Variants in AK5 observed in about 807,000 individuals in gnomAD.
The protein encoded by AK5 is adenylate kinase isoenzyme 5.
AK5 carries 27 observed loss-of-function variants against 69.5 expected under a neutral mutation model. That is an observed-to-expected ratio of 0.39 (90% CI 0.29 to 0.54). The LOEUF (loss-of-function observed/expected upper bound fraction) is 0.54. AK5 is among the 20% of genes least tolerant of loss of function. The probability of loss-of-function intolerance (pLI) is 0.71; values close to 1 mark genes in which losing one functional copy is unlikely to be tolerated. For missense variants in AK5, 531 were observed against 700.4 expected (o/e 0.76, Z 2.73); for synonymous variants, 260 against 244.4 (o/e 1.06, Z -0.60).
At chr1:77,552,635 T>C (rs1412059823) in intron 13 of AK5, among the ~76,000 whole-genome samples, 2 of 152,222 alleles carry the variant, frequency 1.3e-5, no homozygotes, top group Non-Finnish European at 2.9e-5. Flanking sequence ...TATCAGAGTC[T>C]AAAAGAAATC....
chr1:77,438,163 T>C (rs932415575), intron 8 of AK5, among the ~76,000 whole-genome samples: 7 of 151,744 alleles, frequency 4.6e-5, no homozygotes, highest in Non-Finnish European at 1.0e-4. Flanking sequence ...CTTTGGAAAC[T>C]AGCAAAATTA....
chr1:77,437,796 T>TC (rs796528664), intron 8 of AK5, among the ~76,000 whole-genome samples: 2 of 152,084 alleles, frequency 1.3e-5, no homozygotes, highest in East Asian at 3.9e-4. Flanking sequence ...GGTTTTTTTT[T>TC]CCCCTCAGCT....
At chr1:77,326,116 A>G (rs1202793386) in intron 5 of AK5, among the ~76,000 whole-genome samples, 1 of 152,180 alleles carries the variant, frequency 6.6e-6, no homozygotes, top group Non-Finnish European at 1.5e-5. Flanking sequence ...GGCTGATGAT[A>G]TGTTTAAATT....
intron 5 of AK5, among the ~76,000 whole-genome samples, chr1:77,305,329 T>A (rs1163246169): frequency 6.6e-6 from 1 of 152,110 alleles, no homozygotes; most frequent in African/African-American, 2.4e-5. Flanking sequence ...TGCAAAAGCT[T>A]TTAAATTTGA....
chr1:77,405,710 A>G (rs1649577795), intron 6 of AK5, among the ~76,000 whole-genome samples: 1 of 152,144 alleles, frequency 6.6e-6, no homozygotes, highest in South Asian at 2.1e-4. Context: ...TCCCCCTAGG[A>G]AAACTTGGAG....
chr1:77,508,472 C>T (rs886465232), intron 10 of AK5, among the ~76,000 whole-genome samples: 1 of 152,168 alleles, frequency 6.6e-6, no homozygotes, highest in East Asian at 1.9e-4. Context: ...CCTGGCATAC[C>T]ATGTGCTGGG....
chr1:77,478,899 A>G (rs1655099254), intron 8 of AK5, among the ~76,000 whole-genome samples: 1 of 151,762 alleles, frequency 6.6e-6, no homozygotes, highest in African/African-American at 2.4e-5. Flanking sequence ...TACAAATGAT[A>G]GTACCAGAAC....
At chr1:77,371,833 C>T (rs566256642) in intron 6 of AK5, among the ~76,000 whole-genome samples, 3 of 152,228 alleles carry the variant, frequency 2.0e-5, no homozygotes, top group African/African-American at 7.2e-5. Context: ...TTATTAAGTT[C>T]TGATACTTAT....
chr1:77,503,340 G>A (rs926010641), intron 10 of AK5, among the ~76,000 whole-genome samples: 4 of 133,860 alleles, frequency 3.0e-5, no homozygotes, highest in Non-Finnish European at 5.0e-5. Flanking sequence ...AATTAGATAT[G>A]ATAAACCTAA....
chr1:77,432,101 T>C (rs996016203), intron 8 of AK5, among the ~76,000 whole-genome samples: 9 of 152,206 alleles, frequency 5.9e-5, no homozygotes, highest in African/African-American at 2.2e-4. Context: ...GTTTTTGGTT[T>C]TGTTTTTTTC....
At chr1:77,400,709 A>C (rs1401749214) in intron 6 of AK5, among the ~76,000 whole-genome samples, 1 of 152,138 alleles carries the variant, frequency 6.6e-6, no homozygotes. Flanking sequence ...ATATCACAAC[A>C]ATTTTCTCTA....
intron 5 of AK5, among the ~76,000 whole-genome samples, chr1:77,303,451 A>C (rs2100265910): frequency 6.6e-6 from 1 of 152,374 alleles, no homozygotes; most frequent in Admixed American, 6.5e-5. Flanking sequence ...ATATTTTCCA[A>C]AACTTAAAAA....
intron 8 of AK5, among the ~76,000 whole-genome samples, chr1:77,479,703 C>T (rs1233167366): frequency 6.6e-6 from 1 of 152,132 alleles, no homozygotes; most frequent in Non-Finnish European, 1.5e-5. Context: ...ACTTCATGTA[C>T]CTCAAAACCT....
At chr1:77,536,691 A>G (rs1192457425) in intron 13 of AK5, among the ~76,000 whole-genome samples, 5 of 152,214 alleles carry the variant, frequency 3.3e-5, no homozygotes, top group African/African-American at 2.4e-5. Context: ...AGGCTCTGCC[A>G]CTGACTCTGG....
chr1:77,528,949 G>A (rs768501648), intron 12 of AK5, among the ~76,000 whole-genome samples: 1 of 152,058 alleles, frequency 6.6e-6, no homozygotes, highest in Admixed American at 6.6e-5. Flanking sequence ...GTGATTGTTG[G>A]GAAGATTGGA....
chr1:77,379,195 A>T (rs1397722322), intron 6 of AK5, among the ~76,000 whole-genome samples: 1 of 152,190 alleles, frequency 6.6e-6, no homozygotes, highest in Non-Finnish European at 1.5e-5. Flanking sequence ...GGTAAGCCCT[A>T]GCAGAAAGCT....
At position 77,547,271 on chromosome 1, in the gene AK5, C is replaced by CTTTTTT. The variant is rs532879024; in HGVS notation, c.1620+11249_1620+11254dup. On this transcript the variant is annotated intron_variant, in intron 13 of 13. Coordinates refer to ENST00000354567, the MANE Select transcript of AK5 (RefSeq NM_174858.3). ...CAACATGTAATCAATATAAAGTTCT[C>CTTTTTT]TTTTTTTTTTTTTTTTTTTTTGAGA... Among the ~76,000 whole-genome samples, 16 of 107,436 alleles carry CTTTTTT rather than the reference C, an allele frequency of 1.5e-4. 2 individuals are homozygous for CTTTTTT. The highest frequency in any genetic ancestry group is 3.8e-4 in the Admixed American group (3 of 7,916). The allele number at this position is 107,436 out of a possible 152,430, so 70.5% of individuals were successfully genotyped here.
chr1:77,391,479 G>GTATA (rs757479249), intron 6 of AK5, among the ~76,000 whole-genome samples: 1 of 49,802 alleles, frequency 2.0e-5, no homozygotes, highest in African/African-American at 9.3e-5. Context: ...ATATGTGTGT[G>GTATA]TGTATGTGTG....
At chr1:77,411,819 C>A (rs143877407) in intron 7 of AK5, among the ~76,000 whole-genome samples, 105 of 152,234 alleles carry the variant, frequency 6.9e-4, no homozygotes, top group African/African-American at 2.4e-3. Context: ...CTATTTGAAG[C>A]CACCTAAGAG....
Sources: allele counts gnomAD v4.1 joint callset (sites outside exome capture counted in the v4.1 genomes callset), GRCh38; gene constraint gnomAD v4.1.1; transcripts MANE v1.5; gene names NCBI Gene and HGNC (gene_info 2026-07-23, HGNC 2026-07-21).